Variants in DNAH14 observed in about 807,000 individuals in gnomAD.
DNAH14 encodes dynein axonemal heavy chain 14.
DNAH14 carries 478 observed loss-of-function variants against 520.9 expected under a neutral mutation model. The observed-to-expected ratio is 0.92, with a 90% CI of 0.85 to 0.99. The LOEUF is 0.99. Ranked by LOEUF, DNAH14 falls within the 50% of genes least tolerant of loss-of-function variation. DNAH14 has a pLI of 0.00. For missense variants in DNAH14, 4,831 were observed against 5,234.5 expected (o/e 0.92, Z 2.38); for synonymous variants, 1,581 against 1,757.2 (o/e 0.90, Z 2.51).
chr1:225,295,042 G>T (rs1464951798), intron 55 of DNAH14, among the ~76,000 whole-genome samples: 1 of 151,992 alleles, frequency 6.6e-6, no homozygotes, highest in African/African-American at 2.4e-5. Context: ...TGAATTTATT[G>T]ATGTGTTGCT....
Position 225,007,440 on chromosome 1 carries a change from G to T in DNAH14, c.1003G>T (p.Asp335Tyr). The T allele has an allele frequency of 6.5e-7, 1 of 1,538,246 alleles. No homozygotes were observed. ...KLDSSRTYSL[D>Y]EFCEEQLQQA... ...GGATAGTTCTCGAACATATTCTCTAGATGAATTTTGTGAAGAGCAGTTACA... is the reference window on the plus strand; with the variant it reads ...GGATAGTTCTCGAACATATTCTCTATATGAATTTTGTGAAGAGCAGTTACA... The change falls in exon 10 of 86, where the codon GAT becomes TAT. Residue 335 changes from aspartate (D) to tyrosine (Y), a missense_variant. By Grantham distance (160) the Asp-to-Tyr change is radical. Coordinates refer to ENST00000682510, the MANE Select transcript of DNAH14 (RefSeq NM_001367479.1).
At chr1:225,244,779 G>T (rs1453733159) in intron 43 of DNAH14, among the ~76,000 whole-genome samples, 1 of 151,864 alleles carries the variant, frequency 6.6e-6, no homozygotes, top group Non-Finnish European at 1.5e-5. Flanking sequence ...TATCTATTTT[G>T]TTAATCTTTT....
At chr1:225,043,251 G>T in intron 13 of DNAH14, 137 bp downstream of exon 13, 3 of 307,332 alleles carry the variant, frequency 9.8e-6, no homozygotes, top group African/African-American at 2.7e-5. Flanking sequence ...GCAACACAGT[G>T]AGACCTTGTC....
At chr1:224,947,562 C>T (rs1237388035) in intron 1 of DNAH14, among the ~76,000 whole-genome samples, 1 of 151,982 alleles carries the variant, frequency 6.6e-6, no homozygotes, top group Non-Finnish European at 1.5e-5. Context: ...TATTTTTAAA[C>T]ATTTCTGCTT....
At chr1:224,971,662 C>A (rs2061509160) in intron 7 of DNAH14, among the ~76,000 whole-genome samples, 1 of 152,050 alleles carries the variant, frequency 6.6e-6, no homozygotes, top group Non-Finnish European at 1.5e-5. Context: ...AAGCAGAGAC[C>A]TAAATGATGA....
intron 4 of DNAH14, among the ~76,000 whole-genome samples, chr1:224,963,442 C>T (rs995423269): frequency 2.0e-5 from 3 of 152,078 alleles, no homozygotes; most frequent in African/African-American, 7.2e-5. Context: ...ATAATTTATA[C>T]TTGCATATAA....
At position 225,392,458 on chromosome 1, in the gene DNAH14, G is replaced by T. The variant is rs750326340; in HGVS notation, c.13491+7G>T. 1.1e-5 allele frequency: 17 copies of T among 1,551,516 alleles called. 1 individual carries two copies. In the South Asian group the frequency reaches 2.0e-4, roughly 18 times the overall value. Reference sequence around the variant, plus strand: ...AGTCAGGAGAGCGTTTAAGGTACTGGAATACTTCAAGGATTAGAAACGGTG... The same window carrying T: ...AGTCAGGAGAGCGTTTAAGGTACTGTAATACTTCAAGGATTAGAAACGGTG... On this transcript the variant is annotated splice_region_variant and intron_variant, in intron 84 of 85. Coordinates refer to ENST00000682510, the MANE Select transcript of DNAH14 (RefSeq NM_001367479.1).
chr1:225,100,454 T>G (rs2148722145), intron 22 of DNAH14, among the ~76,000 whole-genome samples: 1 of 152,318 alleles, frequency 6.6e-6, no homozygotes. Flanking sequence ...TATGCAGAAT[T>G]TCTATACATC....
rs140771590 is a variant in DNAH14, at chr1:225,192,525, A to T, written c.5671-171A>T. The stretch of plus-strand genomic sequence containing the variant: ...TAAAAGAATGATTTGTATATTATGG[A>T]TAATTTTAAGAAGTCAATATTTACT... On this transcript the variant is annotated intron_variant, in intron 37 of 85. Transcript: ENST00000682510. Among the ~76,000 whole-genome samples the T allele has an allele frequency of 3.2e-4, 49 of 152,190 alleles. 1 individual carries two copies. In the East Asian group the frequency reaches 9.3e-3, roughly 29 times the overall value.
chr1:225,273,702 C>A (rs966875369), intron 52 of DNAH14, among the ~76,000 whole-genome samples: 1 of 152,162 alleles, frequency 6.6e-6, no homozygotes, highest in Non-Finnish European at 1.5e-5. Flanking sequence ...TGTCTTGATA[C>A]CTCAACAAGA....
intron 69 of DNAH14, among the ~76,000 whole-genome samples, chr1:225,345,069 G>T (rs921720593): frequency 6.6e-6 from 1 of 152,062 alleles, no homozygotes; most frequent in Non-Finnish European, 1.5e-5. Flanking sequence ...GCCCAAACTC[G>T]GTGGGAAATG....
intron 6 of DNAH14, 106 bp from the exon 7 acceptor site, chr1:224,968,653 A>G (rs2061333877): frequency 5.7e-6 from 4 of 695,820 alleles, no homozygotes; most frequent in Non-Finnish European, 9.0e-6. Flanking sequence ...TATAAAGGCA[A>G]GAAGTTACAA....
At chr1:225,180,919 A>G (rs893410527) in intron 36 of DNAH14, among the ~76,000 whole-genome samples, 1 of 152,156 alleles carries the variant, frequency 6.6e-6, no homozygotes, top group South Asian at 2.1e-4. Context: ...TATTTATTCC[A>G]TTATCCAGAT....
At chr1:225,122,348 G>T (rs2077366786) in intron 26 of DNAH14, among the ~76,000 whole-genome samples, 1 of 152,188 alleles carries the variant, frequency 6.6e-6, no homozygotes, top group Non-Finnish European at 1.5e-5. Flanking sequence ...AGCAGGGCAT[G>T]TGGAAGGACC....
intron 84 of DNAH14, chr1:225,398,069 A>AAAC (rs2096048911): frequency 6.8e-6 from 1 of 147,262 alleles, no homozygotes; most frequent in Non-Finnish European, 1.5e-5. Flanking sequence ...AAAAAAAAAA[A>AAAC]CCCCTCCTCT....
chr1:225,343,217 T>C (rs899976966), intron 69 of DNAH14, among the ~76,000 whole-genome samples: 1 of 152,216 alleles, frequency 6.6e-6, no homozygotes, highest in Non-Finnish European at 1.5e-5. Context: ...GATGGGGAGT[T>C]CCAGTATTGC....
rs924189202 is a variant in DNAH14 at position 225,297,401 on chromosome 1, G to T, written c.8470-3468G>T. 2.0e-5 allele frequency among the ~76,000 whole-genome samples: 3 copies of T among 151,848 alleles called. No homozygotes were observed. The South Asian group carries it at 6.2e-4, about 32-fold the overall frequency. ...TGCAACCTGTTACTGGTGAGCTATTGTGTTCCTTTGGAGATTTCATGTTTC... is the reference window on the plus strand; with the variant it reads ...TGCAACCTGTTACTGGTGAGCTATTTTGTTCCTTTGGAGATTTCATGTTTC... On this transcript the variant is annotated intron_variant, in intron 55 of 85. Transcript: ENST00000682510.
Position 225,346,296 on chromosome 1 carries a change from A to G in DNAH14, c.11013A>G (p.Lys3671=). 1.3e-6 allele frequency: 2 copies of G among 1,547,696 alleles called. No individual in the cohort carries two copies. The highest frequency in any genetic ancestry group is 1.2e-5 in the South Asian group (1 of 83,276). Reference sequence around the variant, plus strand: ...TTCATGAGTTTATAAGTATTTCAAAAGAACCCAACCTGGAAAATGAGAAAA... The same window carrying G: ...TTCATGAGTTTATAAGTATTTCAAAGGAACCCAACCTGGAAAATGAGAAAA... ...KEVHEFISIS[K]EPNLENEKNL... is the part of the protein sequence containing the mutation. The change falls in exon 70 of 86, where the codon AAA becomes AAG. Residue 3671 remains lysine (K), a synonymous_variant. Coordinates refer to ENST00000682510, the MANE Select transcript of DNAH14 (RefSeq NM_001367479.1).
chr1:225,398,433 G>A (rs867750559), intron 84 of DNAH14, 87 bp from the exon 85 acceptor site: 22 of 1,461,852 alleles, frequency 1.5e-5, no homozygotes, highest in Non-Finnish European at 1.8e-5. Context: ...GAGCCCCTCT[G>A]GATCGGTCGG....
Sources: gnomAD v4.1 joint callset for allele counts (sites outside exome capture counted in the v4.1 genomes callset) on GRCh38, gnomAD v4.1.1 for gene constraint, MANE v1.5 for transcripts, NCBI Gene and HGNC (gene_info 2026-07-23, HGNC 2026-07-21) for gene names.